NOS3: variants seen among roughly 807,000 people sequenced by gnomAD.
The protein encoded by NOS3 is NOS type III.
NOS3 carries 98 observed loss-of-function variants against 144.9 expected under a neutral mutation model. The observed-to-expected ratio is 0.68, with a 90% CI of 0.57 to 0.80. The LOEUF (loss-of-function observed/expected upper bound fraction) is 0.80. NOS3 is among the 30% of genes least tolerant of loss of function. The pLI, the probability that NOS3 is intolerant of heterozygous loss-of-function variation, is 0.00. For synonymous variants in NOS3, 714 were observed against 702.4 expected (o/e 1.02, Z -0.26); for missense variants, 1,465 against 1,656.4 (o/e 0.88, Z 2.01).
chr7:151,013,095 A>C, intron 24 of NOS3, 136 bp from the exon 25 acceptor site: 1 of 918,540 alleles, frequency 1.1e-6, no homozygotes, highest in Non-Finnish European at 1.7e-6. Context: ...ACTCTCTTAG[A>C]GATGAAACAG....
At chr7:151,007,577 G>C (rs1281945393) in intron 17 of NOS3, among the ~76,000 whole-genome samples, 1 of 152,228 alleles carries the variant, frequency 6.6e-6, no homozygotes, top group Non-Finnish European at 1.5e-5. Context: ...CAAAGGGAGG[G>C]GGTGCAGGGC....
At position 150,993,950 on chromosome 7, in the gene NOS3, G is replaced by A. The variant is rs748730593; in HGVS notation, c.147G>A (p.Ala49=). 2.1e-5 allele frequency: 33 copies of A among 1,566,088 alleles called. No individual in the cohort carries two copies. The highest frequency in any genetic ancestry group is 3.7e-5 in the Admixed American group (2 of 53,534). The stretch of plus-strand genomic sequence containing the variant: ...CCCCAGCATCCCTACTCCCACCAGC[G>A]CCAGAACACAGGTAAGGGCCAGGCA... ...SRAPASLLPP[A]PEHSPPSSPL... The change falls in exon 2 of 27, where the codon GCG becomes GCA. Residue 49 remains alanine, a synonymous_variant. Coordinates refer to ENST00000297494, the MANE Select transcript of NOS3 (RefSeq NM_000603.5). The surrounding 1 kb of genome is among the most constrained non-coding windows in gnomAD (Gnocchi z 4.0).
Position 150,998,439 on chromosome 7 carries a change from GC to G in NOS3, c.666del (p.Asn223ThrfsTer136). Reference sequence around the variant, plus strand: ...CACATCAAGTATGCCACCAACCGGGGCAACCTTCGGTGAGTGCCCCCCACCA... The same window carrying G: ...CACATCAAGTATGCCACCAACCGGGGAACCTTCGGTGAGTGCCCCCCACCA... ...CNHIKYATNR[G>X]NLRSAITVFP... On this transcript the variant is annotated frameshift_variant, in exon 6 of 27. Transcript: ENST00000297494. LOFTEE classifies it high-confidence loss of function. The surrounding 1 kb of genome is among the most constrained non-coding windows in gnomAD (Gnocchi z 5.0). The G allele has an allele frequency of 6.2e-7, 1 of 1,612,328 alleles. No homozygotes were observed. Among genetic ancestry groups the G allele is most frequent in the Non-Finnish European group, 8.5e-7 (1 of 1,179,798 alleles).
chr7:151,013,067 T>C, intron 24 of NOS3, 164 bp from the exon 25 acceptor site: 2 of 749,134 alleles, frequency 2.7e-6, no homozygotes, highest in Non-Finnish European at 4.3e-6. Context: ...GTGCAGGGTC[T>C]CTGTGAAAGC....
At chr7:150,999,801 TA>T (rs1795039459) in intron 9 of NOS3, among the ~76,000 whole-genome samples, 1 of 132,474 alleles carries the variant, frequency 7.5e-6, no homozygotes, top group African/African-American at 2.9e-5. Flanking sequence ...TGTGGGTTTG[TA>T]GGGGTAGGCG....
chr7:151,008,166 G>C (rs550437143), intron 17 of NOS3, among the ~76,000 whole-genome samples: 1 of 152,188 alleles, frequency 6.6e-6, no homozygotes, highest in Non-Finnish European at 1.5e-5. Context: ...CAGCATCACC[G>C]AACCAGAAGC....
rs1294054530 is a variant in NOS3, at chr7:151,003,656, G to A, written c.1752+1352G>A. 1.3e-6 allele frequency: 1 copy of A among 756,444 alleles called. No individual in the cohort carries two copies. Among genetic ancestry groups the A allele is most frequent in the Admixed American group, 2.3e-5 (1 of 42,868 alleles). 46.9% of individuals were successfully genotyped at this position (756,444 alleles called of 1,614,324 possible). A position where few individuals can be genotyped will look rare whatever the true frequency, so the allele number is the denominator to read the frequency against. ...AGTTCCTCACGTGAATCCCTTCCCA[G>A]TCTGTCTCCCTGCCAGAAGTGTCTG... On this transcript the variant is annotated intron_variant, in intron 14 of 26. Transcript: ENST00000297494. This position sits in a 1 kb window ranked among gnomAD's most constrained non-coding sequence, Gnocchi z 4.1.
In NOS3 at chr7:151,006,478, C is replaced by G; in HGVS notation, c.1804C>G (p.Arg602Gly). 6.2e-7 allele frequency: 1 copy of G among 1,613,732 alleles called. No homozygotes were observed. Among genetic ancestry groups the G allele is most frequent in the Non-Finnish European group, 8.5e-7 (1 of 1,179,858 alleles). The change falls in exon 15 of 27, where the codon CGG (arginine) becomes GGG (glycine). Residue 602 changes from arginine (R) to glycine (G), a missense_variant. By Grantham distance (125) the Arg-to-Gly change is moderately radical. Transcript: ENST00000297494. ...EMSGPYNSSP[R>G]PEQHKSYKIR... ...GTCCGGCCCCTACAACAGCTCCCCTCGGCCGGAACAGCACAAGTGAGTTGG... is the reference window on the plus strand; with the variant it reads ...GTCCGGCCCCTACAACAGCTCCCCTGGGCCGGAACAGCACAAGTGAGTTGG...
In NOS3 at chr7:151,014,352, C is replaced by T. The variant is rs942708871; in HGVS notation, c.*183C>T. The T allele has an allele frequency of 2.9e-6, 2 of 679,164 alleles. No individual in the cohort carries two copies. Among genetic ancestry groups the T allele is most frequent in the African/African-American group, 1.8e-5 (1 of 54,972 alleles). 42.1% of individuals were successfully genotyped at this position (679,164 alleles called of 1,614,324 possible). On this transcript the variant is annotated 3_prime_UTR_variant, in exon 27 of 27. Transcript: ENST00000297494. Reference sequence around the variant, plus strand: ...AAACGCCTCTTTTCCCTCTCTAGGCCTGTTGCCTCGGGCCTGGGTCCGCCT... The same window carrying T: ...AAACGCCTCTTTTCCCTCTCTAGGCTTGTTGCCTCGGGCCTGGGTCCGCCT...
At chr7:151,011,814 G>A (rs756876622) in intron 23 of NOS3, 12 of 441,792 alleles carry the variant, frequency 2.7e-5, no homozygotes, top group African/African-American at 1.6e-4. Flanking sequence ...GTGAGCCACC[G>A]CGCCCGGACC....
intron 17 of NOS3, among the ~76,000 whole-genome samples, chr7:151,007,986 G>A (rs1035291165): frequency 1.3e-5 from 2 of 152,190 alleles, no homozygotes; most frequent in African/African-American, 4.8e-5. Flanking sequence ...AGGGAGTGGG[G>A]GCTACCTCAG....
chr7:151,010,033 A>T, intron 20 of NOS3, 82 bp from the exon 21 acceptor site: 1 of 884,870 alleles, frequency 1.1e-6, no homozygotes, highest in African/African-American at 1.7e-5. Context: ...GCTCTCTAAC[A>T]GTCACCAAAA....
In NOS3 at chr7:151,002,174, C is replaced by T; in HGVS notation, c.1648-26C>T. ...CAGGGCCTCCGGGGGCCACAGCACCCAGGACATCTGTCTTCCCACCCACAG... is the reference window on the plus strand; with the variant it reads ...CAGGGCCTCCGGGGGCCACAGCACCTAGGACATCTGTCTTCCCACCCACAG... On this transcript the variant is annotated intron_variant, in intron 13 of 26. Transcript: ENST00000297494. The surrounding 1 kb of genome is among the most constrained non-coding windows in gnomAD (Gnocchi z 4.1). The T allele has an allele frequency of 1.3e-6, 2 of 1,530,298 alleles. No homozygotes were observed. The highest frequency in any genetic ancestry group is 8.9e-7 in the Non-Finnish European group (1 of 1,118,024). 94.8% of individuals were successfully genotyped at this position (1,530,298 alleles called of 1,614,324 possible).
At chr7:151,011,736 G>A in intron 23 of NOS3, 1 of 324,430 alleles carries the variant, frequency 3.1e-6, no homozygotes, top group Non-Finnish European at 6.3e-6. Flanking sequence ...ATGTTGGCCA[G>A]GCTGGTCTCG....
At position 151,001,260 on chromosome 7, in the gene NOS3, C is replaced by A. The variant is rs371369842; in HGVS notation, c.1263C>A (p.His421Gln). ...QLAKVTIVDHHAATASFMKHL... is the reference protein window; with the variant it reads ...QLAKVTIVDHQAATASFMKHL... Reference sequence around the variant, plus strand: ...CCAAAGTCACCATCGTGGACCACCACGCCGCCACGGCCTCTTTCATGAAGC... The same window carrying A: ...CCAAAGTCACCATCGTGGACCACCAAGCCGCCACGGCCTCTTTCATGAAGC... The change falls in exon 11 of 27, where the codon CAC becomes CAA. Residue 421 changes from histidine (H) to glutamine (Q), a missense_variant. His to Gln is a conservative substitution (Grantham distance 24, BLOSUM62 0). Transcript: ENST00000297494. 1 of 1,613,722 alleles carries A rather than the reference C, an allele frequency of 6.2e-7. No individual in the cohort carries two copies. The highest frequency in any genetic ancestry group is 8.5e-7 in the Non-Finnish European group (1 of 1,179,964).
At chr7:151,013,181 T>G (rs1264111716) in intron 24 of NOS3, 50 bp from the exon 25 acceptor site, 1 of 1,580,404 alleles carries the variant, frequency 6.3e-7, no homozygotes, top group Non-Finnish European at 8.6e-7. Flanking sequence ...GAGGCCCCAC[T>G]AGCACTGTGC....
intron 9 of NOS3, among the ~76,000 whole-genome samples, chr7:150,999,711 T>G: frequency 7.9e-6 from 1 of 126,770 alleles, no homozygotes; most frequent in South Asian, 2.7e-4. Context: ...TTTGTGGGTG[T>G]GTATAGGCAG....
rs62490283 is a variant in NOS3 at position 151,010,882 on chromosome 7, C to T, written c.2897-17C>T. 2.5e-6 allele frequency: 4 copies of T among 1,612,026 alleles called. No individual in the cohort carries two copies. In the South Asian group the frequency reaches 3.3e-5, roughly 13 times the overall value. ...CCCCTCTCTGGCCCCTCACCGGCCT[C>T]TCCTTCCCACCCCCAGATGGGCTGG... On this transcript the variant is annotated splice_polypyrimidine_tract_variant and intron_variant, in intron 22 of 26. Coordinates refer to ENST00000297494, the MANE Select transcript of NOS3 (RefSeq NM_000603.5).
chr7:151,009,250 G>T lies in NOS3; in HGVS notation c.2307G>T (p.Leu769=). Residue 769 remains leucine, a synonymous_variant, in exon 19 of 27, where the codon CTG becomes CTT. Coordinates refer to ENST00000297494, the MANE Select transcript of NOS3 (RefSeq NM_000603.5). ...CTACAATCCGCTCAGTGGAAAACCTGCAAAGCAGCAAGTCCACGTGAGGAC... is the reference window on the plus strand; with the variant it reads ...CTACAATCCGCTCAGTGGAAAACCTTCAAAGCAGCAAGTCCACGTGAGGAC... The part of the protein sequence containing the change: ...FQATIRSVEN[L]QSSKSTRATI... The T allele has an allele frequency of 6.2e-7, 1 of 1,613,446 alleles. No homozygotes were observed. The highest frequency in any genetic ancestry group is 1.1e-5 in the South Asian group (1 of 91,076).
Sources: gnomAD v4.1 joint callset for allele counts (sites outside exome capture counted in the v4.1 genomes callset) on GRCh38, gnomAD v4.1.1 for gene constraint, Gnocchi (gnomAD v3.1) non-coding constraint, MANE v1.5 for transcripts, NCBI Gene and HGNC (gene_info 2026-07-23, HGNC 2026-07-21) for gene names.